The following AK5 variants were observed in gnomAD, a reference collection of about 807,000 sequenced individuals.
AK5 encodes adenylate kinase isoenzyme 5.
Under a neutral mutation model 69.5 loss-of-function variants are expected in AK5, and 27 were observed. That is an observed-to-expected ratio of 0.39 (90% CI 0.29 to 0.54). AK5 has a LOEUF of 0.54. Among genes scored for constraint, AK5 ranks in the 20% least tolerant of loss-of-function variants. The pLI is 0.71. For missense variants in AK5, 531 were observed against 700.4 expected, an observed-to-expected ratio of 0.76 and a Z score of 2.73; for synonymous variants, 260 against 244.4, an observed-to-expected ratio of 1.06 and a Z score of -0.60.
At chr1:77,405,452 A>C (rs1649554336) in intron 6 of AK5, among the ~76,000 whole-genome samples, 1 of 152,148 alleles carries the variant, frequency 6.6e-6, no homozygotes, top group Non-Finnish European at 1.5e-5. Flanking sequence ...CCTGACTGTC[A>C]CCGCATATCC....
rs925397396 is a variant in AK5 at position 77,342,913 on chromosome 1, A to G, written c.891+2345A>G. ...CAGTAAATATTTACTGAAAACCAGG[A>G]TACTCTGCTAGGGGACAGGGGTGCA... On this transcript the variant is annotated intron_variant, in intron 6 of 13. Coordinates refer to ENST00000354567, the MANE Select transcript of AK5 (RefSeq NM_174858.3). Among the ~76,000 whole-genome samples the G allele has an allele frequency of 2.6e-5, 4 of 151,842 alleles. No individual in the cohort carries two copies. In the East Asian group the frequency reaches 5.8e-4, roughly 22 times the overall value.
At chr1:77,476,651 G>A (rs529596913) in intron 8 of AK5, among the ~76,000 whole-genome samples, 17 of 152,118 alleles carry the variant, frequency 1.1e-4, no homozygotes, top group African/African-American at 2.7e-4. Context: ...CGGGTCAGCC[G>A]GAGGAAGGCA....
At chr1:77,326,742 GAAAGTATA>G (rs1660821456) in intron 5 of AK5, among the ~76,000 whole-genome samples, 1 of 152,168 alleles carries the variant, frequency 6.6e-6, no homozygotes, top group South Asian at 2.1e-4. Context: ...CAATATGTGT[GAAAGTATA>G]AAATCCAGTT....
intron 6 of AK5, among the ~76,000 whole-genome samples, chr1:77,348,757 C>CCA (rs139956064): frequency 4.0e-5 from 6 of 150,924 alleles, no homozygotes; most frequent in Non-Finnish European, 7.4e-5. Context: ...ACCCACACAC[C>CCA]CACACACACA....
chr1:77,533,520 A>C (rs955608740), intron 12 of AK5, among the ~76,000 whole-genome samples: 101 of 148,928 alleles, frequency 6.8e-4, no homozygotes, highest in African/African-American at 2.4e-3. Flanking sequence ...AAAAAAAAAA[A>C]AAAAAAAAAA....
intron 1 of AK5, chr1:77,283,474 T>C: frequency 1.0e-6 from 1 of 985,460 alleles, no homozygotes. Context: ...AAAGGAATTT[T>C]AAAGCACCAC....
At chr1:77,392,334 G>T (rs1648542422) in intron 6 of AK5, among the ~76,000 whole-genome samples, 1 of 152,176 alleles carries the variant, frequency 6.6e-6, no homozygotes, top group Non-Finnish European at 1.5e-5. Context: ...TTAATGAGTT[G>T]CTTAGCTCTT....
Position 77,508,738 on chromosome 1 carries a change from G to T in AK5, c.1148-9826G>T, listed in dbSNP as rs192166078. 6.1e-3 allele frequency among the ~76,000 whole-genome samples: 924 copies of T among 152,104 alleles called. 16 individuals carry two copies. The highest frequency in any genetic ancestry group is 0.021 in the African/African-American group (872 of 41,480). Reference sequence around the variant, plus strand: ...GAAAAACAGCCAGGTGTGGTGGTGGGTGCCTGTAATCCCAGCTACTCGAGA... The same window carrying T: ...GAAAAACAGCCAGGTGTGGTGGTGGTTGCCTGTAATCCCAGCTACTCGAGA... On this transcript the variant is annotated intron_variant, in intron 10 of 13. Coordinates refer to ENST00000354567, the MANE Select transcript of AK5 (RefSeq NM_174858.3).
chr1:77,397,684 C>A (rs1234935068), intron 6 of AK5, among the ~76,000 whole-genome samples: 1 of 152,144 alleles, frequency 6.6e-6, no homozygotes. Context: ...CACTTGAACC[C>A]AAGAGTTCGA....
chr1:77,465,971 T>C (rs1045684101), intron 8 of AK5, among the ~76,000 whole-genome samples: 1 of 152,166 alleles, frequency 6.6e-6, no homozygotes, highest in Non-Finnish European at 1.5e-5. Context: ...TCTAGAGTGA[T>C]CTTTTTTAAA....
rs183942233 is a variant in AK5 at position 77,527,940 on chromosome 1, T to A, written c.1428+5997T>A. Among the ~76,000 whole-genome samples, 778 of 152,308 alleles carry A rather than the reference T, an allele frequency of 5.1e-3. 9 individuals are homozygous for A. Among genetic ancestry groups the A allele is most frequent in the African/African-American group, 0.018 (736 of 41,568 alleles). ...GGGACGTGGTGGCACATGCCTGTAA[T>A]CCCAGCTACTTGGGAGGCTGAGGCA... On this transcript the variant is annotated intron_variant, in intron 12 of 13. Transcript: ENST00000354567.
chr1:77,552,733 T>C (rs1659882492), intron 13 of AK5, among the ~76,000 whole-genome samples: 1 of 152,140 alleles, frequency 6.6e-6, no homozygotes, highest in East Asian at 1.9e-4. Context: ...ACAGAGGAAA[T>C]AGAACATAAT....
intron 13 of AK5, 127 bp downstream of exon 13, chr1:77,536,165 C>T: frequency 9.2e-7 from 1 of 1,086,310 alleles, no homozygotes; most frequent in East Asian, 2.6e-5. Flanking sequence ...GCAGCTGCAG[C>T]ACTGGGGCCA....
At chr1:77,381,819 C>T (rs1016627658) in intron 6 of AK5, among the ~76,000 whole-genome samples, 1 of 152,166 alleles carries the variant, frequency 6.6e-6, no homozygotes, top group African/African-American at 2.4e-5. Context: ...TTAAAAGTAA[C>T]TAACATCTTA....
In AK5 at chr1:77,536,337, C is replaced by G. The variant is rs146071059; in HGVS notation, c.1620+299C>G. Among the ~76,000 whole-genome samples the G allele has an allele frequency of 2.4e-3, 368 of 152,242 alleles. 2 individuals are homozygous for G. The highest frequency in any genetic ancestry group is 8.4e-3 in the African/African-American group (348 of 41,536). ...GGTATGGTGGCACATGCCTATAATC[C>G]CAGCTACTCAAGAGGCTGACGTGGG... is the stretch of plus-strand genomic sequence containing the variant. On this transcript the variant is annotated intron_variant, in intron 13 of 13. Transcript: ENST00000354567.
chr1:77,425,164 C>G (rs149864009), intron 8 of AK5, among the ~76,000 whole-genome samples: 108 of 152,224 alleles, frequency 7.1e-4, no homozygotes, highest in Middle Eastern at 6.8e-3. Flanking sequence ...GAATTCTGTA[C>G]TCGACAAAAT....
chr1:77,469,238 A>G (rs1654318437), intron 8 of AK5, among the ~76,000 whole-genome samples: 1 of 152,176 alleles, frequency 6.6e-6, no homozygotes, highest in Non-Finnish European at 1.5e-5. Context: ...TTGTGTGTCA[A>G]CTTTGCTAAG....
chr1:77,340,098 C>G (rs1349778384), intron 5 of AK5, among the ~76,000 whole-genome samples: 1 of 152,156 alleles, frequency 6.6e-6, no homozygotes, highest in Non-Finnish European at 1.5e-5. Flanking sequence ...TTGGCTGAGA[C>G]TGTTCTTAAT....
intron 5 of AK5, among the ~76,000 whole-genome samples, chr1:77,324,695 T>C (rs1232162777): frequency 1.7e-5 from 2 of 119,250 alleles, no homozygotes; most frequent in African/African-American, 6.4e-5. Context: ...TAGATCTTTA[T>C]AGGGAAAAAA....
Sources: allele counts gnomAD v4.1 joint callset (sites outside exome capture counted in the v4.1 genomes callset), GRCh38; gene constraint gnomAD v4.1.1; transcripts MANE v1.5; gene names NCBI Gene and HGNC (gene_info 2026-07-23, HGNC 2026-07-21).